The following GRM3 variants were observed in gnomAD, a reference collection of about 807,000 sequenced individuals.
The protein encoded by GRM3 is glutamate metabotropic receptor 3.
A neutral mutation model predicts 70.5 loss-of-function variants in GRM3; 26 were observed. That is an observed-to-expected ratio of 0.37 (90% CI 0.27 to 0.51). The LOEUF is 0.51. Among genes scored for constraint, GRM3 ranks in the 20% least tolerant of loss-of-function variants. The pLI is 0.93. For missense variants in GRM3, 859 were observed against 1,123.8 expected (o/e 0.76, Z 3.37); for synonymous variants, 443 against 434.9 (o/e 1.02, Z -0.23).
rs114242113 is a variant in GRM3 at position 86,689,072 on chromosome 7, T to C, written c.-141+44200T>C. Reference sequence around the variant, plus strand: ...GCCATTATCCTCATCCTGACAGATATTGTAAGACTAGTACAAAAGGTCGAA... The same window carrying C: ...GCCATTATCCTCATCCTGACAGATACTGTAAGACTAGTACAAAAGGTCGAA... On this transcript the variant is annotated intron_variant, in intron 1 of 5. Coordinates refer to ENST00000361669, the MANE Select transcript of GRM3 (RefSeq NM_000840.3). Among the ~76,000 whole-genome samples the C allele has an allele frequency of 9.0e-3, 1,362 of 150,900 alleles. 15 individuals carry two copies. The highest frequency in any genetic ancestry group is 0.031 in the African/African-American group (1,297 of 41,394).
chr7:86,691,586 C>A (rs929090090), intron 1 of GRM3, among the ~76,000 whole-genome samples: 8 of 152,088 alleles, frequency 5.3e-5, no homozygotes, highest in African/African-American at 1.9e-4. Flanking sequence ...GAAACTTAAC[C>A]CCCAAAGCAA....
chr7:86,862,192 A>G (rs1419996502), intron 5 of GRM3, among the ~76,000 whole-genome samples: 1 of 152,178 alleles, frequency 6.6e-6, no homozygotes, highest in Non-Finnish European at 1.5e-5. Flanking sequence ...TTAAACGTAC[A>G]CACAAAGATG....
At chr7:86,709,056 GT>G (rs1238700889) in intron 1 of GRM3, among the ~76,000 whole-genome samples, 4 of 151,568 alleles carry the variant, frequency 2.6e-5, no homozygotes, top group South Asian at 2.1e-4. Context: ...CATACTCAAG[GT>G]TTTTTTTCAT....
At chr7:86,749,463 A>G (rs2116353707) in intron 1 of GRM3, among the ~76,000 whole-genome samples, 1 of 152,170 alleles carries the variant, frequency 6.6e-6, no homozygotes, top group East Asian at 1.9e-4. Flanking sequence ...GGCAAAGTGT[A>G]AATGTCCTGT....
intron 4 of GRM3, among the ~76,000 whole-genome samples, chr7:86,849,029 A>C (rs1245771518): frequency 3.3e-5 from 5 of 152,124 alleles, no homozygotes; most frequent in Non-Finnish European, 1.5e-5. Flanking sequence ...GAGTAGTTTT[A>C]AGAGTTACAG....
chr7:86,749,853 G>A (rs1318647302), intron 1 of GRM3, among the ~76,000 whole-genome samples: 1 of 151,922 alleles, frequency 6.6e-6, no homozygotes, highest in Non-Finnish European at 1.5e-5. Flanking sequence ...CTCAACAGAT[G>A]GGAGTTATAA....
At chr7:86,815,760 C>A (rs1798003113) in intron 3 of GRM3, among the ~76,000 whole-genome samples, 1 of 151,826 alleles carries the variant, frequency 6.6e-6, no homozygotes, top group Non-Finnish European at 1.5e-5. Context: ...TTTTCTTGGG[C>A]AAACCAGACT....
intron 1 of GRM3, among the ~76,000 whole-genome samples, chr7:86,701,560 G>A (rs561943939): frequency 4.3e-4 from 65 of 151,882 alleles, no homozygotes; most frequent in Non-Finnish European, 7.5e-4. Flanking sequence ...CTAAATTGAA[G>A]TAATTCATTG....
chr7:86,686,395 A>C (rs1166644848), intron 1 of GRM3, among the ~76,000 whole-genome samples: 1 of 152,230 alleles, frequency 6.6e-6, no homozygotes, highest in Non-Finnish European at 1.5e-5. Context: ...CATGGTTCCA[A>C]AATTTTTCTT....
At chr7:86,672,553 G>T (rs11976425) in intron 1 of GRM3, among the ~76,000 whole-genome samples, 1 of 151,872 alleles carries the variant, frequency 6.6e-6, no homozygotes, top group South Asian at 2.1e-4. Flanking sequence ...CTCCAGATAC[G>T]ACCTCATCTC....
chr7:86,737,181 T>C (rs950716880), intron 1 of GRM3, among the ~76,000 whole-genome samples: 11 of 152,202 alleles, frequency 7.2e-5, no homozygotes, highest in African/African-American at 2.4e-4. Context: ...GATAAAGACC[T>C]AGGTCTGAAT....
chr7:86,815,350 A>G (rs541815891), intron 3 of GRM3, among the ~76,000 whole-genome samples: 3 of 151,950 alleles, frequency 2.0e-5, no homozygotes, highest in African/African-American at 7.2e-5. Flanking sequence ...TCAAATGCCA[A>G]TGTCCCCCTT....
intron 1 of GRM3, among the ~76,000 whole-genome samples, chr7:86,761,654 A>G (rs528396480): frequency 1.3e-5 from 2 of 152,294 alleles, no homozygotes; most frequent in South Asian, 4.1e-4. Flanking sequence ...GAACGTAAAC[A>G]AAGAGAAATA....
intron 3 of GRM3, among the ~76,000 whole-genome samples, chr7:86,820,357 T>TG (rs1444412460): frequency 6.6e-6 from 1 of 152,066 alleles, no homozygotes; most frequent in African/African-American, 2.4e-5. Context: ...TCACAGTGCT[T>TG]GGGTAGAGAG....
intron 1 of GRM3, among the ~76,000 whole-genome samples, chr7:86,679,257 G>A (rs1794385364): frequency 6.6e-6 from 1 of 151,860 alleles, no homozygotes; most frequent in South Asian, 2.1e-4. Context: ...AATGAATTTG[G>A]GTTATAAAAG....
chr7:86,817,944 T>A (rs1798048677), intron 3 of GRM3, among the ~76,000 whole-genome samples: 1 of 152,002 alleles, frequency 6.6e-6, no homozygotes, highest in Admixed American at 6.6e-5. Flanking sequence ...AGTAGATCAA[T>A]GCAATACATG....
intron 1 of GRM3, among the ~76,000 whole-genome samples, chr7:86,710,703 T>C (rs892645695): frequency 6.6e-6 from 1 of 152,010 alleles, no homozygotes; most frequent in African/African-American, 2.4e-5. Flanking sequence ...TTCTCTGTAA[T>C]TCCCAACTCT....
intron 1 of GRM3, among the ~76,000 whole-genome samples, chr7:86,661,288 G>A (rs1389842848): frequency 1.3e-5 from 2 of 151,918 alleles, no homozygotes; most frequent in African/African-American, 4.8e-5. Context: ...GAATGCACTG[G>A]GAGTAGGCTA....
chr7:86,736,812 A>G (rs1795872564), intron 1 of GRM3, among the ~76,000 whole-genome samples: 1 of 152,210 alleles, frequency 6.6e-6, no homozygotes, highest in African/African-American at 2.4e-5. Flanking sequence ...ACTCAAGAAG[A>G]GGAGAAACCA....
Sources: allele counts gnomAD v4.1 joint callset (sites outside exome capture counted in the v4.1 genomes callset), GRCh38; gene constraint gnomAD v4.1.1; transcripts MANE v1.5; gene names NCBI Gene and HGNC (gene_info 2026-07-23, HGNC 2026-07-21).